LNX1: variants seen among roughly 807,000 people sequenced by gnomAD.
LNX1 encodes ligand of numb-protein X 1.
Under a neutral mutation model 68.4 loss-of-function variants are expected in LNX1, and 54 were observed. The ratio of observed to expected loss-of-function variants is 0.79; its 90% CI spans 0.63 to 0.99. The LOEUF (loss-of-function observed/expected upper bound fraction) is 0.99. LNX1 is among the 50% of genes least tolerant of loss of function. The pLI, the probability that LNX1 is intolerant of heterozygous loss-of-function variation, is 0.00. For missense variants in LNX1, 906 were observed against 926.4 expected (o/e 0.98, Z 0.29); for synonymous variants, 336 against 350.0 (o/e 0.96, Z 0.45).
chr4:53,481,677 A>G, intron 7 of LNX1, 43 bp downstream of exon 7: 1 of 1,593,092 alleles, frequency 6.3e-7, no homozygotes. Context: ...TTCCCAAGAA[A>G]TAGCCCCTTG....
chr4:53,506,835 G>T (rs868033104), intron 4 of LNX1, among the ~76,000 whole-genome samples: 48 of 83,622 alleles, frequency 5.7e-4, no homozygotes, highest in African/African-American at 1.9e-3. Context: ...CTCCAGCCTG[G>T]GCGACAAGCA....
chr4:53,635,745 A>T (rs1368591671), intron 1 of LNX1, among the ~76,000 whole-genome samples: 1 of 152,200 alleles, frequency 6.6e-6, no homozygotes, highest in Non-Finnish European at 1.5e-5. Context: ...TTAGCCTATA[A>T]TCTCGGCACT....
chr4:53,555,813 C>A (rs558507589), intron 2 of LNX1, among the ~76,000 whole-genome samples: 3 of 151,864 alleles, frequency 2.0e-5, no homozygotes, highest in African/African-American at 4.9e-5. Flanking sequence ...TAGCATCATA[C>A]TTTTATAGAT....
At chr4:53,501,800 T>C (rs1353464901) in intron 4 of LNX1, 1 of 152,244 alleles carries the variant, frequency 6.6e-6, no homozygotes, top group Non-Finnish European at 1.5e-5. Context: ...ACGACATTGA[T>C]ACCAGGCTAG....
At chr4:53,498,927 C>A in intron 4 of LNX1, 84 bp from the exon 5 acceptor site, 1 of 950,130 alleles carries the variant, frequency 1.1e-6, no homozygotes, top group Non-Finnish European at 1.7e-6. Flanking sequence ...TCAGTGTCAG[C>A]CAAACTAAAC....
At position 53,573,997 on chromosome 4, in the gene LNX1, G is replaced by T. The variant is rs183534100; in HGVS notation, c.6C>A (p.Asn2Lys). Residue 2 changes from asparagine (N) to lysine (K), a missense_variant, in exon 2 of 11, where the codon AAC becomes AAA. By Grantham distance (94) the Asn-to-Lys change is moderately conservative. Transcript: ENST00000263925. ...CAGGATCGTTGGCAGACTCTGGCTGGTTCATGATGGATTGGAGAGCAGTAT... is the reference window on the plus strand; with the variant it reads ...CAGGATCGTTGGCAGACTCTGGCTGTTTCATGATGGATTGGAGAGCAGTAT... M[N>K]QPESANDPEP... 1.8e-4 allele frequency: 296 copies of T among 1,609,576 alleles called. No individual in the cohort carries two copies. The highest frequency in any genetic ancestry group is 1.9e-4 in the Non-Finnish European group (219 of 1,177,472).
At chr4:53,635,724 A>G (rs1388577598) in intron 1 of LNX1, among the ~76,000 whole-genome samples, 3 of 152,222 alleles carry the variant, frequency 2.0e-5, no homozygotes, top group Non-Finnish European at 4.4e-5. Context: ...GAGATTGAAA[A>G]GGACAAAATA....
At chr4:53,599,895 G>A (rs1425223023) in intron 2 of LNX1, among the ~76,000 whole-genome samples, 7 of 152,156 alleles carry the variant, frequency 4.6e-5, no homozygotes, top group South Asian at 4.1e-4. Context: ...TCTCAGTTTC[G>A]TGCCCACAGT....
chr4:53,565,245 C>A (rs891185083), intron 2 of LNX1, among the ~76,000 whole-genome samples: 7 of 152,000 alleles, frequency 4.6e-5, no homozygotes, highest in Non-Finnish European at 1.0e-4. Flanking sequence ...CTTAAGTGTC[C>A]CTGTCTGACA....
chr4:53,555,962 C>T (rs1008912128), intron 2 of LNX1, among the ~76,000 whole-genome samples: 18 of 152,136 alleles, frequency 1.2e-4, no homozygotes, highest in African/African-American at 4.3e-4. Context: ...AAAGATTCCT[C>T]AATAGCAGGA....
chr4:53,596,053 C>T (rs17083167), upstream of LNX1, among the ~76,000 whole-genome samples: 18,528 of 152,066 alleles, frequency 0.12, 1,272 homozygotes, highest in East Asian at 0.24. Context: ...TCATATTGGC[C>T]GTAATTACTT....
chr4:53,543,450 G>A (rs189021385), intron 2 of LNX1, among the ~76,000 whole-genome samples: 18 of 152,174 alleles, frequency 1.2e-4, no homozygotes, highest in Admixed American at 2.0e-4. Flanking sequence ...CTCTTCCCAG[G>A]AATGAATGTT....
intron 1 of LNX1, among the ~76,000 whole-genome samples, chr4:53,627,501 A>C (rs2109867619): frequency 6.6e-6 from 1 of 152,356 alleles, no homozygotes; most frequent in South Asian, 2.1e-4. Flanking sequence ...TCTTATGTTG[A>C]AAGTAACTCA....
intron 1 of LNX1, among the ~76,000 whole-genome samples, chr4:53,648,373 C>A (rs367979533): frequency 6.6e-6 from 1 of 152,150 alleles, no homozygotes; most frequent in African/African-American, 2.4e-5. Flanking sequence ...TGATGAGGAT[C>A]TTTTCCTGTG....
At chr4:53,579,507 G>A (rs1455243586) in intron 1 of LNX1, among the ~76,000 whole-genome samples, 4 of 152,086 alleles carry the variant, frequency 2.6e-5, no homozygotes, top group Non-Finnish European at 4.4e-5. Context: ...CTGTATAGAA[G>A]CTTCTCTGCC....
In LNX1 at chr4:53,573,636, G is replaced by T; in HGVS notation, c.367C>A (p.His123Asn). Residue 123 changes from histidine (H) to asparagine (N), a missense_variant, in exon 2 of 11, where the codon CAC becomes AAC. Transcript: ENST00000263925. Reference protein sequence around the residue: ...QVLQRCDLEHHFQTSCKGASH... With the variant: ...QVLQRCDLEHNFQTSCKGASH... ...TGGGGGACCTACCTGGTTTGAAAGT[G>T]ATGCTCGAGGTCACAGCGCTGCAAC... The T allele has an allele frequency of 6.2e-7, 1 of 1,602,048 alleles. No individual in the cohort carries two copies. The highest frequency in any genetic ancestry group is 2.3e-5 in the East Asian group (1 of 44,396).
intron 2 of LNX1, among the ~76,000 whole-genome samples, chr4:53,538,426 A>C (rs1728521844): frequency 6.6e-6 from 1 of 152,136 alleles, no homozygotes. Context: ...ACTCCAAGGA[A>C]AATTAGTGGA....
At chr4:53,479,422 C>T (rs1723776071) in intron 7 of LNX1, among the ~76,000 whole-genome samples, 1 of 152,214 alleles carries the variant, frequency 6.6e-6, no homozygotes, top group Non-Finnish European at 1.5e-5. Flanking sequence ...TAGTTGTGCA[C>T]TGAGGGGCTG....
upstream of LNX1, chr4:53,592,853 G>C (rs1023309935): frequency 6.6e-6 from 1 of 152,198 alleles, no homozygotes; most frequent in African/African-American, 2.4e-5. Context: ...GCAAAGCAAG[G>C]GGGAGGAGAA....
Sources: allele counts gnomAD v4.1 joint callset (sites outside exome capture counted in the v4.1 genomes callset), GRCh38; gene constraint gnomAD v4.1.1; transcripts MANE v1.5; gene names NCBI Gene and HGNC (gene_info 2026-07-23, HGNC 2026-07-21).